SLC35A5: variants seen among roughly 807,000 people sequenced by gnomAD.
SLC35A5 encodes solute carrier family 35 member A5, also known as UDP-sugar transporter protein SLC35A5.
SLC35A5 carries 28 observed loss-of-function variants against 36.3 expected under a neutral mutation model. That is an observed-to-expected ratio of 0.77 (90% CI 0.57 to 1.06). SLC35A5 has a LOEUF of 1.06. Among genes scored for constraint, SLC35A5 ranks in the 50% least tolerant of loss-of-function variants. The pLI is 0.00. For synonymous variants in SLC35A5, 180 were observed against 173.7 expected (o/e 1.04, Z -0.29); for missense variants, 521 against 499.3 (o/e 1.04, Z -0.41).
In SLC35A5 at chr3:112,572,668, A is replaced by C. The variant is rs193197436; in HGVS notation, c.361-1221A>C. Among the ~76,000 whole-genome samples, 161 of 152,342 alleles carry C rather than the reference A, an allele frequency of 1.1e-3. 1 individual carries two copies. Among genetic ancestry groups the C allele is most frequent in the South Asian group, 6.6e-3 (32 of 4,832 alleles). On this transcript the variant is annotated intron_variant, in intron 4 of 6. Transcript: ENST00000492406. ...CCATATATCTTACAGAATAAAACACATGCATACTCTGTGTATTGCTGTGCC... is the reference window on the plus strand; with the variant it reads ...CCATATATCTTACAGAATAAAACACCTGCATACTCTGTGTATTGCTGTGCC...
intron 2 of SLC35A5, among the ~76,000 whole-genome samples, chr3:112,567,224 TCAAAAAA>T (rs1286429518): frequency 2.7e-5 from 4 of 150,746 alleles, no homozygotes; most frequent in African/African-American, 9.8e-5. Flanking sequence ...AGACTCTGTC[TCAAAAAA>T]CAAAAAACAA....
chr3:112,566,427 T>C (rs1046541776), intron 2 of SLC35A5, among the ~76,000 whole-genome samples: 4 of 152,182 alleles, frequency 2.6e-5, no homozygotes, highest in Admixed American at 2.0e-4. Context: ...AATATAGATT[T>C]GGGGACATTA....
chr3:112,574,795 G>A (rs1378772303), intron 5 of SLC35A5, among the ~76,000 whole-genome samples: 2 of 151,804 alleles, frequency 1.3e-5, no homozygotes, highest in Admixed American at 1.3e-4. Context: ...AATTTGTTGA[G>A]TCCATGATAT....
Position 112,580,682 on chromosome 3 carries a change from T to C in SLC35A5, c.565T>C (p.Ser189Pro), listed in dbSNP as rs1934867935. Residue 189 changes from serine to proline, a missense_variant, in exon 6 of 7, where the codon TCC (serine) becomes CCC (proline). Physicochemically the swap from Ser to Pro is moderately conservative, Grantham distance 74 (BLOSUM62 -1). Coordinates refer to ENST00000492406, the MANE Select transcript of SLC35A5 (RefSeq NM_017945.5). Reference sequence around the variant, plus strand: ...TCATCACGATGCCTTTTTCAGCCCTTCCAATTCCTGCCTTCTTTTCAGAAG... The same window carrying C: ...TCATCACGATGCCTTTTTCAGCCCTCCCAATTCCTGCCTTCTTTTCAGAAG... ...GFHHDAFFSPSNSCLLFRSEC... is the reference protein window; with the variant it reads ...GFHHDAFFSPPNSCLLFRSEC... The C allele has an allele frequency of 5.6e-6, 9 of 1,614,156 alleles. No homozygotes were observed. The highest frequency in any genetic ancestry group is 7.6e-6 in the Non-Finnish European group (9 of 1,179,986).
chr3:112,567,258 A>T (rs1934239045), intron 2 of SLC35A5, among the ~76,000 whole-genome samples: 1 of 151,920 alleles, frequency 6.6e-6, no homozygotes, highest in Non-Finnish European at 1.5e-5. Context: ...ACAAACAAAC[A>T]AAAAGATACA....
chr3:112,584,143 AATT>A lies in SLC35A5; in HGVS notation c.*1412_*1414del, dbSNP rs1243623967. ...ATTGGTGGAAATTTGTAATTAAAAT[AATT>A]ATTAAACCTATGTCTTGTGTTGCCA... On this transcript the variant is annotated 3_prime_UTR_variant, in exon 7 of 7. Transcript: ENST00000492406. The A allele has an allele frequency of 6.6e-6, 1 of 152,186 alleles. No individual in the cohort carries two copies. The highest frequency in any genetic ancestry group is 2.4e-5 in the African/African-American group (1 of 41,448). The allele number at this position is 152,186 out of a possible 1,614,324, so 9.4% of individuals were successfully genotyped here.
In SLC35A5 at chr3:112,580,735, A is replaced by G. The variant is rs1184058515; in HGVS notation, c.618A>G (p.Thr206=). 2 of 1,614,064 alleles carry G rather than the reference A, an allele frequency of 1.2e-6. No homozygotes were observed. Among genetic ancestry groups the G allele is most frequent in the Admixed American group, 3.3e-5 (2 of 59,996 alleles). The change falls in exon 6 of 7, where the codon ACA becomes ACG. Residue 206 remains threonine (T), a synonymous_variant. Coordinates refer to ENST00000492406, the MANE Select transcript of SLC35A5 (RefSeq NM_017945.5). ...RSECPRKDNC[T]AKEWTFPEAK... is the part of the protein sequence containing the mutation. ...AGTGTCCCAGAAAAGACAATTGTACAGCAAAGGAATGGACTTTTCCTGAAG... is the reference window on the plus strand; with the variant it reads ...AGTGTCCCAGAAAAGACAATTGTACGGCAAAGGAATGGACTTTTCCTGAAG...
At chr3:112,561,513 T>G (rs747708614), upstream of SLC35A5, 1 of 1,583,438 alleles carries the variant, frequency 6.3e-7, no homozygotes, top group African/African-American at 1.4e-5. Context: ...TTCACAGTAT[T>G]AATCACATTC....
At chr3:112,579,823 C>T (rs753166542) in intron 5 of SLC35A5, among the ~76,000 whole-genome samples, 16 of 152,070 alleles carry the variant, frequency 1.1e-4, no homozygotes, top group South Asian at 4.1e-4. Context: ...TTGCCTGGCA[C>T]GTAGTAGCTG....
At chr3:112,580,331 G>C (rs1934849100) in intron 5 of SLC35A5, among the ~76,000 whole-genome samples, 1 of 152,164 alleles carries the variant, frequency 6.6e-6, no homozygotes, top group Non-Finnish European at 1.5e-5. Context: ...AATGACTTGA[G>C]CAGCCTTAGG....
At chr3:112,576,192 A>G (rs559389697) in intron 5 of SLC35A5, among the ~76,000 whole-genome samples, 1 of 151,510 alleles carries the variant, frequency 6.6e-6, no homozygotes, top group Non-Finnish European at 1.5e-5. Context: ...CAGGGTTGCA[A>G]TCTCAGCTCA....
At position 112,582,947 on chromosome 3, in the gene SLC35A5, T is replaced by C. The variant is rs1935000080; in HGVS notation, c.*211T>C. On this transcript the variant is annotated 3_prime_UTR_variant, in exon 7 of 7. Coordinates refer to ENST00000492406, the MANE Select transcript of SLC35A5 (RefSeq NM_017945.5). ...AAGAACTGATACAGGAGTAACAATA[T>C]GAAGAATTCATTAATATCTCAGTAC... is the stretch of plus-strand genomic sequence containing the variant. 2.0e-6 allele frequency: 1 copy of C among 507,628 alleles called. No individual in the cohort carries two copies. The highest frequency in any genetic ancestry group is 1.9e-5 in the African/African-American group (1 of 51,362). 31.4% of individuals were successfully genotyped at this position (507,628 alleles called of 1,614,324 possible). A position where few individuals can be genotyped will look rare whatever the true frequency, so the allele number is the denominator to read the frequency against.
upstream of SLC35A5, chr3:112,561,434 C>T: frequency 6.2e-7 from 1 of 1,612,468 alleles, no homozygotes; most frequent in Non-Finnish European, 8.5e-7. Flanking sequence ...CTGACAGCTC[C>T]CGGCAACCCT....
chr3:112,576,642 A>G (rs1934692226), intron 5 of SLC35A5, among the ~76,000 whole-genome samples: 1 of 152,120 alleles, frequency 6.6e-6, no homozygotes, highest in Admixed American at 6.5e-5. Context: ...AGAATCATAC[A>G]GTATTTGTCT....
intron 6 of SLC35A5, among the ~76,000 whole-genome samples, chr3:112,582,347 A>G (rs1934965506): frequency 6.6e-6 from 1 of 152,142 alleles, no homozygotes; most frequent in Non-Finnish European, 1.5e-5. Context: ...TCTAATTTTT[A>G]AGCAAAAGAA....
chr3:112,569,011 G>A (rs1044534999), intron 2 of SLC35A5, among the ~76,000 whole-genome samples, 160 bp from the exon 3 acceptor site: 3 of 152,192 alleles, frequency 2.0e-5, no homozygotes, highest in Non-Finnish European at 4.4e-5. Flanking sequence ...TACATTAGGT[G>A]AATTGATTAA....
Position 112,569,174 on chromosome 3 carries a change from A to AG in SLC35A5, c.134_135insG (p.Asn45LysfsTer4). ...AAACATTTCTGTTACATTTCAGAAA[A>AG]CAAGTATGATTATCTTCCAACTACT... is the stretch of plus-strand genomic sequence containing the variant. On this transcript the variant is annotated frameshift_variant, in exon 3 of 7. Transcript: ENST00000492406. LOFTEE classifies it high-confidence loss of function. 2 of 1,612,164 alleles carry AG rather than the reference A, an allele frequency of 1.2e-6. No individual in the cohort carries two copies. The highest frequency in any genetic ancestry group is 1.7e-6 in the Non-Finnish European group (2 of 1,178,724).
At chr3:112,562,033 C>T, upstream of SLC35A5, 1 of 169,654 alleles carries the variant, frequency 5.9e-6, no homozygotes, top group South Asian at 1.3e-4. Flanking sequence ...CCCCTCCTTC[C>T]GGAAGCGTAA....
intron 5 of SLC35A5, among the ~76,000 whole-genome samples, chr3:112,578,478 C>T (rs185136014): frequency 2.0e-5 from 3 of 152,216 alleles, no homozygotes; most frequent in East Asian, 3.9e-4. Flanking sequence ...TATGTTTTAC[C>T]GAGGCAGTGG....
Sources: allele counts gnomAD v4.1 joint callset (sites outside exome capture counted in the v4.1 genomes callset), GRCh38; gene constraint gnomAD v4.1.1; transcripts MANE v1.5; gene names NCBI Gene and HGNC (gene_info 2026-07-23, HGNC 2026-07-21).